CDH20: variants seen among roughly 807,000 people sequenced by gnomAD.
CDH20 encodes the protein cadherin 20.
CDH20 carries 29 observed loss-of-function variants against 74.2 expected under a neutral mutation model. The ratio of observed to expected loss-of-function variants is 0.39; its 90% confidence interval spans 0.29 to 0.53. The LOEUF (loss-of-function observed/expected upper bound fraction) is 0.53, where lower values mean the gene tolerates loss of function less well. CDH20 is among the 20% of genes least tolerant of loss of function. The pLI is 0.69. For missense variants in CDH20, 988 were observed against 1,048.3 expected (o/e 0.94, Z 0.79); for synonymous variants, 469 against 405.4 (o/e 1.16, Z -1.88).
chr18:61,386,523 C>T (rs1911605167), intron 1 of CDH20, among the ~76,000 whole-genome samples: 1 of 152,130 alleles, frequency 6.6e-6, no homozygotes, highest in Admixed American at 6.6e-5. Flanking sequence ...GTTGTAGAAG[C>T]CCAAACGAAT....
chr18:61,440,550 G>A (rs1908994391), intron 1 of CDH20, among the ~76,000 whole-genome samples: 1 of 152,152 alleles, frequency 6.6e-6, no homozygotes, highest in South Asian at 2.1e-4. Flanking sequence ...AACACCCACT[G>A]ATAATCACAA....
chr18:61,468,816 G>A (rs763539632), intron 1 of CDH20, among the ~76,000 whole-genome samples: 2 of 152,188 alleles, frequency 1.3e-5, no homozygotes, highest in Non-Finnish European at 2.9e-5. Context: ...AGCCACATTT[G>A]TATGACTTTA....
chr18:61,471,944 A>T (rs1910196095), intron 1 of CDH20, among the ~76,000 whole-genome samples: 1 of 152,220 alleles, frequency 6.6e-6, no homozygotes, highest in Non-Finnish European at 1.5e-5. Flanking sequence ...TCTGAAATGC[A>T]TCAGTAGCTG....
At chr18:61,547,615 A>T (rs12606917) in intron 10 of CDH20, among the ~76,000 whole-genome samples, 29,518 of 152,144 alleles carry the variant, frequency 0.19, 3,432 homozygotes, top group East Asian at 0.52. Context: ...CCCATCTGAT[A>T]GATGAGGAAA....
chr18:61,388,826 T>G (rs1318404089), intron 1 of CDH20, among the ~76,000 whole-genome samples: 1 of 152,158 alleles, frequency 6.6e-6, no homozygotes, highest in Admixed American at 6.6e-5. Context: ...GGCTTTCATC[T>G]CTGCTCCTCC....
At chr18:61,400,281 G>A (rs17068280) in intron 1 of CDH20, among the ~76,000 whole-genome samples, 19,540 of 152,192 alleles carry the variant, frequency 0.13, 1,772 homozygotes, top group East Asian at 0.33. Flanking sequence ...TCTCCAGCCT[G>A]CTAATGAGCA....
At chr18:61,399,253 A>G (rs1045581949) in intron 1 of CDH20, among the ~76,000 whole-genome samples, 1 of 151,610 alleles carries the variant, frequency 6.6e-6, no homozygotes, top group Non-Finnish European at 1.5e-5. Context: ...ACAGAGCAGG[A>G]CGTCTGAGAA....
chr18:61,441,358 C>G (rs1481533818), intron 1 of CDH20, among the ~76,000 whole-genome samples: 2 of 152,126 alleles, frequency 1.3e-5, no homozygotes, highest in Non-Finnish European at 2.9e-5. Context: ...TAAATTCCCT[C>G]CCTATATTCA....
At chr18:61,361,407 A>C (rs1910690164) in intron 1 of CDH20, among the ~76,000 whole-genome samples, 1 of 152,242 alleles carries the variant, frequency 6.6e-6, no homozygotes, top group African/African-American at 2.4e-5. Context: ...GATTTTGTTT[A>C]TAAATTTTAT....
intron 1 of CDH20, among the ~76,000 whole-genome samples, chr18:61,394,811 T>C (rs1189768598): frequency 6.6e-6 from 1 of 151,988 alleles, no homozygotes; most frequent in African/African-American, 2.4e-5. Flanking sequence ...TTGTCACCAG[T>C]ATCTTCATCC....
chr18:61,551,958 T>C lies in CDH20; in HGVS notation c.1900+1729T>C, dbSNP rs1311582695. ...TCTTATCCCTTCCCACCCACGATGA[T>C]GTCTTGTCTTTTAAACCGTACAGAA... On this transcript the variant is annotated intron_variant, in intron 11 of 11. Transcript: ENST00000262717. Among the ~76,000 whole-genome samples the C allele has an allele frequency of 3.3e-5, 5 of 152,186 alleles. No homozygotes were observed. In the East Asian group the frequency reaches 9.6e-4, roughly 29 times the overall value.
intron 6 of CDH20, among the ~76,000 whole-genome samples, chr18:61,513,592 T>C (rs1346118965): frequency 6.6e-6 from 1 of 151,712 alleles, no homozygotes; most frequent in Admixed American, 6.6e-5. Flanking sequence ...TTCTTCCTAG[T>C]CTCCATGGTC....
At position 61,528,141 on chromosome 18, in the gene CDH20, G is replaced by A. The variant is rs567338521; in HGVS notation, c.1192G>A (p.Val398Met). Residue 398 changes from valine to methionine, a missense_variant, in exon 7 of 12, where the codon GTG becomes ATG. Coordinates refer to ENST00000262717, the MANE Select transcript of CDH20 (RefSeq NM_031891.4). The part of the protein sequence containing the change: ...VFEPGFYFVE[V>M]PEDVAIGTTI... ...TGAACCTGGCTTTTACTTTGTGGAGGTGCCTGAGGATGTGGCGATTGGAAC... is the reference window on the plus strand; with the variant it reads ...TGAACCTGGCTTTTACTTTGTGGAGATGCCTGAGGATGTGGCGATTGGAAC... The A allele has an allele frequency of 6.2e-7, 1 of 1,613,964 alleles. No individual in the cohort carries two copies. Among genetic ancestry groups the A allele is most frequent in the African/African-American group, 1.3e-5 (1 of 74,900 alleles).
chr18:61,379,138 A>T (rs1187790816), intron 1 of CDH20, among the ~76,000 whole-genome samples: 4 of 152,212 alleles, frequency 2.6e-5, no homozygotes, highest in African/African-American at 9.6e-5. Context: ...AAAAATGATA[A>T]TGACTCAGAT....
At chr18:61,437,617 G>T (rs781327012) in intron 1 of CDH20, among the ~76,000 whole-genome samples, 2 of 152,162 alleles carry the variant, frequency 1.3e-5, no homozygotes, top group Non-Finnish European at 2.9e-5. Flanking sequence ...AAGAGGTTAT[G>T]CAGAAATGAA....
chr18:61,474,184 A>G (rs767658196), intron 1 of CDH20, among the ~76,000 whole-genome samples: 1 of 152,160 alleles, frequency 6.6e-6, no homozygotes, highest in African/African-American at 2.4e-5. Flanking sequence ...GGAGATTTCT[A>G]AATCTCCCTA....
intron 1 of CDH20, among the ~76,000 whole-genome samples, chr18:61,458,413 G>C (rs1909652775): frequency 6.6e-6 from 1 of 152,130 alleles, no homozygotes. Flanking sequence ...GGTCAGGAAA[G>C]TTGCCCATCA....
intron 7 of CDH20, among the ~76,000 whole-genome samples, chr18:61,529,250 GA>G (rs1205959464): frequency 6.6e-6 from 1 of 152,206 alleles, no homozygotes; most frequent in Non-Finnish European, 1.5e-5. Flanking sequence ...CTTTAGTGCA[GA>G]TAACACATTT....
At chr18:61,354,063 AAAAG>A (rs1910407604) in intron 1 of CDH20, among the ~76,000 whole-genome samples, 1 of 151,934 alleles carries the variant, frequency 6.6e-6, no homozygotes, top group Non-Finnish European at 1.5e-5. Flanking sequence ...AAGAAAAAGA[AAAAG>A]AAAAGAAAAA....
Sources: gnomAD v4.1 joint callset for allele counts (sites outside exome capture counted in the v4.1 genomes callset) on GRCh38, gnomAD v4.1.1 for gene constraint, MANE v1.5 for transcripts, NCBI Gene and HGNC (gene_info 2026-07-23, HGNC 2026-07-21) for gene names.